Variants in PABPC4L observed in about 807,000 individuals in gnomAD.
The protein encoded by PABPC4L is polyadenylate-binding protein 4-like.
For synonymous variants in PABPC4L, 169 were observed against 164.1 expected (o/e 1.03, Z -0.23); for missense variants, 452 against 451.4 (o/e 1.00, Z -0.01).
chr4:134,194,906 G>A (rs1729614107), downstream of PABPC4L, among the ~76,000 whole-genome samples: 1 of 151,592 alleles, frequency 6.6e-6, no homozygotes, highest in East Asian at 1.9e-4. Flanking sequence ...TAAGAGTAAT[G>A]GAAGGCCATG....
the PABPC4L span, among the ~76,000 whole-genome samples, chr4:134,141,700 C>A: frequency 6.6e-6 from 1 of 151,524 alleles, no homozygotes; most frequent in Non-Finnish European, 1.5e-5. Flanking sequence ...TTAATTTTCA[C>A]TTTTATCTTT....
At chr4:134,096,832 G>A in the PABPC4L span, among the ~76,000 whole-genome samples, 3 of 151,912 alleles carry the variant, frequency 2.0e-5, no homozygotes, top group Admixed American at 1.3e-4. Flanking sequence ...ATCACATTTG[G>A]TGTCCAGTAA....
At chr4:134,048,428 C>T in the PABPC4L span, among the ~76,000 whole-genome samples, 1 of 152,068 alleles carries the variant, frequency 6.6e-6, no homozygotes. Flanking sequence ...AATGAACTTA[C>T]ATATTTCATT....
the PABPC4L span, among the ~76,000 whole-genome samples, chr4:134,170,539 A>G: frequency 1.3e-5 from 2 of 152,214 alleles, no homozygotes; most frequent in African/African-American, 4.8e-5. Flanking sequence ...TGATCTCAGG[A>G]AATTTAAAAT....
the PABPC4L span, among the ~76,000 whole-genome samples, chr4:133,992,192 T>C: frequency 6.6e-5 from 10 of 152,192 alleles, no homozygotes; most frequent in African/African-American, 2.4e-4. Flanking sequence ...GACATCAGTA[T>C]GGTCGCCCTG....
the PABPC4L span, among the ~76,000 whole-genome samples, chr4:134,148,781 T>C: frequency 2.6e-5 from 4 of 152,090 alleles, no homozygotes; most frequent in African/African-American, 7.2e-5. Context: ...AACTCCTTTT[T>C]TGTGTGCTGT....
chr4:134,089,330 C>T, the PABPC4L span, among the ~76,000 whole-genome samples: 34 of 152,174 alleles, frequency 2.2e-4, no homozygotes, highest in African/African-American at 8.2e-4. Context: ...ACGCACCCAG[C>T]TCCCTCATTA....
the PABPC4L span, among the ~76,000 whole-genome samples, chr4:134,175,212 A>G: frequency 3.3e-5 from 5 of 152,186 alleles, no homozygotes; most frequent in Non-Finnish European, 5.9e-5. Context: ...CTTAACAGAT[A>G]TAAAAAGTAT....
At chr4:134,046,380 C>T in the PABPC4L span, among the ~76,000 whole-genome samples, 10 of 152,178 alleles carry the variant, frequency 6.6e-5, no homozygotes, top group Middle Eastern at 3.4e-3. Flanking sequence ...GCAGCATTGC[C>T]GCCAGCATAT....
the PABPC4L span, among the ~76,000 whole-genome samples, chr4:134,148,722 A>G: frequency 1.3e-5 from 2 of 151,996 alleles, no homozygotes; most frequent in Non-Finnish European, 2.9e-5. Context: ...CACAGCAACA[A>G]CCCCACCTTC....
At chr4:134,015,620 C>T in the PABPC4L span, among the ~76,000 whole-genome samples, 1 of 152,110 alleles carries the variant, frequency 6.6e-6, no homozygotes, top group African/African-American at 2.4e-5. Context: ...CATAAAAACA[C>T]ATGTGCTCTC....
In PABPC4L at chr4:134,197,431, T is replaced by C. The variant is rs1227784898; in HGVS notation, c.*2476A>G. On this transcript the variant is annotated 3_prime_UTR_variant, in exon 2 of 2. Coordinates refer to ENST00000421491, the MANE Select transcript of PABPC4L (RefSeq NM_001114734.2). ...ATATATTTGTGTGAATATATGTATT[T>C]AAAGTGTTCAAAATATTTTGAAGCA... The C allele has an allele frequency of 6.6e-6, 1 of 151,736 alleles. No individual in the cohort carries two copies. Among genetic ancestry groups the C allele is most frequent in the African/African-American group, 2.4e-5 (1 of 41,420 alleles). 9.4% of individuals were successfully genotyped at this position (151,736 alleles called of 1,614,324 possible).
the PABPC4L span, among the ~76,000 whole-genome samples, chr4:134,121,913 A>G: frequency 1.3e-5 from 2 of 151,922 alleles, no homozygotes; most frequent in Admixed American, 1.3e-4. Flanking sequence ...TCCCATGAAG[A>G]AAAATGAAAG....
Position 134,199,837 on chromosome 4 carries a change from A to T in PABPC4L, c.*70T>A. 2.0e-6 allele frequency: 3 copies of T among 1,509,124 alleles called. No individual in the cohort carries two copies. The highest frequency in any genetic ancestry group is 1.3e-5 in the South Asian group (1 of 78,612). 93.5% of individuals were successfully genotyped at this position (1,509,124 alleles called of 1,614,324 possible). A position where few individuals can be genotyped will look rare whatever the true frequency, so the allele number is the denominator to read the frequency against. ...TGGAATATGAAATTTACTGAGGTCA[A>T]TTCAGGCAGAGATCACTATCATTCT... On this transcript the variant is annotated 3_prime_UTR_variant, in exon 2 of 2. Transcript: ENST00000421491.
the PABPC4L span, among the ~76,000 whole-genome samples, chr4:134,030,010 T>G: frequency 6.6e-6 from 1 of 152,058 alleles, no homozygotes; most frequent in Non-Finnish European, 1.5e-5. Flanking sequence ...GCTGCCACCA[T>G]GTGAAGAAAG....
the PABPC4L span, chr4:133,978,016 T>C: frequency 6.6e-6 from 1 of 152,216 alleles, no homozygotes; most frequent in Non-Finnish European, 1.5e-5. Context: ...AGTAATATAG[T>C]GCACAGGGAA....
In PABPC4L at chr4:134,201,006, G is replaced by T. The variant is rs377443239; in HGVS notation, c.14C>A (p.Ala5Asp). The T allele has an allele frequency of 3.2e-6, 5 of 1,551,808 alleles. No individual in the cohort carries two copies. The highest frequency in any genetic ancestry group is 4.4e-6 in the Non-Finnish European group (5 of 1,147,082). MNVA[A>D]KYRMASLYVG... ...ATACAGGGAGGCCATGCGGTACTTG[G>T]CTGCTACATTCATCTCCTTGTCCTT... The change falls in exon 2 of 2, where the codon GCC becomes GAC. Residue 5 changes from alanine (A) to aspartate (D), a missense_variant. Physicochemically the swap from Ala to Asp is moderately radical, Grantham distance 126. Transcript: ENST00000421491.
the PABPC4L span, among the ~76,000 whole-genome samples, chr4:133,992,306 T>C: frequency 2.6e-5 from 4 of 152,234 alleles, no homozygotes; most frequent in African/African-American, 4.8e-5. Flanking sequence ...ATTACTTTTC[T>C]GGCTACATCC....
At chr4:133,952,824 G>A in the PABPC4L span, among the ~76,000 whole-genome samples, 47 of 152,070 alleles carry the variant, frequency 3.1e-4, no homozygotes, top group African/African-American at 1.0e-3. Flanking sequence ...TAGTTTCTGC[G>A]TCGGGGACAT....
Sources: allele counts gnomAD v4.1 joint callset (sites outside exome capture counted in the v4.1 genomes callset), GRCh38; gene constraint gnomAD v4.1.1; transcripts MANE v1.5; gene names NCBI Gene and HGNC (gene_info 2026-07-23, HGNC 2026-07-21).